Variants in SERINC1 observed in about 807,000 individuals in gnomAD.
The protein encoded by SERINC1 is tumor differentially expressed protein 2.
A neutral mutation model predicts 52.9 loss-of-function variants in SERINC1; 38 were observed. The observed-to-expected ratio is 0.72, with a 90% confidence interval of 0.55 to 0.94. The LOEUF (loss-of-function observed/expected upper bound fraction) is 0.94. Ranked by LOEUF, SERINC1 falls within the 40% of genes least tolerant of loss-of-function variation. The pLI is 0.00. For missense variants in SERINC1, 471 were observed against 533.9 expected, an observed-to-expected ratio of 0.88 and a Z score of 1.16; for synonymous variants, 198 against 183.1, an observed-to-expected ratio of 1.08 and a Z score of -0.66.
chr6:122,452,644 C>G (rs1774931810), intron 5 of SERINC1, among the ~76,000 whole-genome samples: 1 of 152,074 alleles, frequency 6.6e-6, no homozygotes, highest in African/African-American at 2.4e-5. Context: ...GCCTAATATA[C>G]AAGTATTTAT....
chr6:122,469,972 C>T (rs558739527), intron 1 of SERINC1, among the ~76,000 whole-genome samples: 2 of 152,278 alleles, frequency 1.3e-5, no homozygotes, highest in East Asian at 1.9e-4. Flanking sequence ...TGACTATTGG[C>T]CTGCAGTAAA....
chr6:122,456,117 A>G (rs988617121), intron 3 of SERINC1, among the ~76,000 whole-genome samples: 7 of 152,196 alleles, frequency 4.6e-5, no homozygotes, highest in East Asian at 1.9e-4. Context: ...AATACAACCA[A>G]CCTAGAAAAA....
Position 122,452,044 on chromosome 6 carries a change from A to G in SERINC1, c.603T>C (p.Ala201=). ...AAGACAGCAGATAATTCAGAGCTGT[A>G]GCTGATAACAAGGCTGTGAAAGAAA... ...SRCWYAALLS[A]TALNYLLSLV... The change falls in exon 6 of 10, where the codon GCT becomes GCC. Residue 201 remains alanine, a synonymous_variant. Transcript: ENST00000339697. The G allele has an allele frequency of 1.3e-6, 2 of 1,535,846 alleles. No homozygotes were observed. The highest frequency in any genetic ancestry group is 1.7e-6 in the Non-Finnish European group (2 of 1,144,570).
At position 122,447,264 on chromosome 6, in the gene SERINC1, T is replaced by G. The variant is rs1215584661; in HGVS notation, c.852A>C (p.Glu284Asp). 1 of 1,600,640 alleles carries G rather than the reference T, an allele frequency of 6.2e-7. No individual in the cohort carries two copies. The highest frequency in any genetic ancestry group is 8.5e-7 in the Non-Finnish European group (1 of 1,172,432). The change falls in exon 8 of 10, where the codon GAA becomes GAC. Residue 284 changes from glutamate to aspartate, a missense_variant and splice_region_variant. Transcript: ENST00000339697. ...LTWSAMTNEP[E>D]TNCNPSLLSI... is the part of the protein sequence containing the mutation. The stretch of plus-strand genomic sequence containing the variant: ...TTAGTAGACTTGGGTTGCAATTTGT[T>G]TCTGTAATATAAAGCCAAATTAAAA...
At chr6:122,465,790 A>G (rs530889008) in intron 1 of SERINC1, among the ~76,000 whole-genome samples, 166 of 152,344 alleles carry the variant, frequency 1.1e-3, no homozygotes, top group African/African-American at 3.4e-3. Flanking sequence ...TTATAGGCAG[A>G]CATAAAAGCA....
intron 9 of SERINC1, among the ~76,000 whole-genome samples, chr6:122,445,883 C>CAA (rs71018202): frequency 0.021 from 1,300 of 62,820 alleles, 93 homozygotes; most frequent in Non-Finnish European, 0.029. Flanking sequence ...GACTCCATTT[C>CAA]AAAAAAAAAA....
chr6:122,459,981 A>G (rs1252581735), intron 1 of SERINC1, among the ~76,000 whole-genome samples: 1 of 152,242 alleles, frequency 6.6e-6, no homozygotes, highest in East Asian at 1.9e-4. Flanking sequence ...GGAAAAAATA[A>G]GTTTTTCAGA....
chr6:122,451,776 A>AATATATAT (rs1554211251), intron 6 of SERINC1, 22 bp from the exon 7 acceptor site: 1,549 of 112,478 alleles, frequency 0.014, 26 homozygotes, highest in South Asian at 0.041. Context: ...AAAAAAAAAA[A>AATATATAT]ATATATATAT....
rs140743242 is a variant in SERINC1 at position 122,458,218 on chromosome 6, G to C, written c.201+302C>G. On this transcript the variant is annotated intron_variant, in intron 2 of 9. Transcript: ENST00000339697. ...TTATGCTTTCTATTTTTCAATCTCT[G>C]TATATGCAAGTTCTAATCATTCTTA... 3.8e-3 allele frequency among the ~76,000 whole-genome samples: 580 copies of C among 152,070 alleles called. 7 individuals are homozygous for C. The highest frequency in any genetic ancestry group is 4.0e-3 in the Non-Finnish European group (274 of 67,956).
intron 1 of SERINC1, among the ~76,000 whole-genome samples, chr6:122,467,955 C>T (rs760578061): frequency 1.7e-4 from 26 of 152,042 alleles, no homozygotes; most frequent in Non-Finnish European, 2.9e-4. Flanking sequence ...CAAGAATACA[C>T]TATATGTATG....
In SERINC1 at chr6:122,446,301, A is replaced by G. The variant is rs1467272357; in HGVS notation, c.1226+473T>C. On this transcript the variant is annotated intron_variant, in intron 9 of 9. Coordinates refer to ENST00000339697, the MANE Select transcript of SERINC1 (RefSeq NM_020755.4). ...AATTCTAAGCTTGTAGAATTTGTAG[A>G]AATTGTTGCTTGTAGAAAGAATTCT... 3.3e-5 allele frequency among the ~76,000 whole-genome samples: 5 copies of G among 152,172 alleles called. No homozygotes were observed. The East Asian group carries it at 7.7e-4, about 23-fold the overall frequency.
chr6:122,469,916 T>C (rs1320971277), intron 1 of SERINC1, among the ~76,000 whole-genome samples: 1 of 152,162 alleles, frequency 6.6e-6, no homozygotes, highest in African/African-American at 2.4e-5. Flanking sequence ...TCTAAGTAAA[T>C]GAGCACATTA....
rs530206275 is a variant in SERINC1 at position 122,446,723 on chromosome 6, T to C, written c.1226+51A>G. The C allele has an allele frequency of 3.1e-5, 38 of 1,226,772 alleles. No homozygotes were observed. In the East Asian group the frequency reaches 7.3e-4, roughly 24 times the overall value. 76.0% of individuals were successfully genotyped at this position (1,226,772 alleles called of 1,614,324 possible). A position where few individuals can be genotyped will look rare whatever the true frequency, so the allele number is the denominator to read the frequency against. ...ACATCATGGTTTCACAAGAGAATCA[T>C]AAAATGCCATCAGAATTCACACATC... On this transcript the variant is annotated intron_variant, in intron 9 of 9. Coordinates refer to ENST00000339697, the MANE Select transcript of SERINC1 (RefSeq NM_020755.4).
intron 7 of SERINC1, 55 bp from the exon 8 acceptor site, chr6:122,447,320 G>C: frequency 7.0e-7 from 1 of 1,435,712 alleles, no homozygotes; most frequent in Non-Finnish European, 9.7e-7. Context: ...ATGTTTTTCA[G>C]AGCAAACAAA....
chr6:122,457,862 A>G (rs897628820), intron 2 of SERINC1, among the ~76,000 whole-genome samples: 1 of 151,820 alleles, frequency 6.6e-6, no homozygotes, highest in African/African-American at 2.4e-5. Context: ...AACATGTTAG[A>G]AACTAAATTT....
chr6:122,459,332 C>G (rs12530200), intron 1 of SERINC1, among the ~76,000 whole-genome samples: 2,181 of 152,170 alleles, frequency 0.014, 148 homozygotes, highest in Admixed American at 0.13. Flanking sequence ...TCTAAGAAAG[C>G]CACAGAGTAA....
rs189552976 is a variant in SERINC1 at position 122,459,596 on chromosome 6, T to A, written c.40-915A>T. On this transcript the variant is annotated intron_variant, in intron 1 of 9. Coordinates refer to ENST00000339697, the MANE Select transcript of SERINC1 (RefSeq NM_020755.4). ...AATATACTTTAGCAAAAGTTAAACATAAACATCTCCCCTCAGAAAAAGGAA... is the reference window on the plus strand; with the variant it reads ...AATATACTTTAGCAAAAGTTAAACAAAAACATCTCCCCTCAGAAAAAGGAA... Among the ~76,000 whole-genome samples the A allele has an allele frequency of 2.4e-3, 370 of 152,136 alleles. 1 individual carries two copies. The highest frequency in any genetic ancestry group is 8.2e-3 in the African/African-American group (340 of 41,482).
intron 7 of SERINC1, among the ~76,000 whole-genome samples, chr6:122,450,202 A>G (rs1269172494): frequency 6.6e-6 from 1 of 152,202 alleles, no homozygotes; most frequent in African/African-American, 2.4e-5. Flanking sequence ...AATGCAGACA[A>G]TGATTTTAAG....
Position 122,453,860 on chromosome 6 carries a change from G to C in SERINC1, c.499C>G (p.Gln167Glu). 1.2e-6 allele frequency: 2 copies of C among 1,606,692 alleles called. No individual in the cohort carries two copies. Among genetic ancestry groups the C allele is most frequent in the Non-Finnish European group, 8.5e-7 (1 of 1,175,060 alleles). Residue 167 changes from glutamine to glutamate, a missense_variant, in exon 5 of 10, where the codon CAA becomes GAA. By Grantham distance (29) the Gln-to-Glu change is conservative. Transcript: ENST00000339697. Reference protein sequence around the residue: ...MAGAFCFILIQLVLLIDFAHS... With the variant: ...MAGAFCFILIELVLLIDFAHS... The stretch of plus-strand genomic sequence containing the variant: ...GCAAAATCAATAAGTAAGACTAGTT[G>C]TATGAGGATGAAACAAAAGGCACCT...
Sources: gnomAD v4.1 joint callset for allele counts (sites outside exome capture counted in the v4.1 genomes callset) on GRCh38, gnomAD v4.1.1 for gene constraint, MANE v1.5 for transcripts, NCBI Gene and HGNC (gene_info 2026-07-23, HGNC 2026-07-21) for gene names.